FAH: variants seen among roughly 807,000 people sequenced by gnomAD.
FAH encodes fumarylacetoacetase.
In FAH, 47 loss-of-function variants were observed where a neutral mutation model predicts 55.8. That is an observed-to-expected ratio of 0.84 (90% confidence interval 0.67 to 1.07). FAH has a LOEUF of 1.07. Ranked by LOEUF, FAH falls within the 50% of genes least tolerant of loss-of-function variation. The pLI is 0.00. For missense variants in FAH, 495 were observed against 545.9 expected (o/e 0.91, Z 0.93); for synonymous variants, 199 against 207.7 (o/e 0.96, Z 0.36).
At chr15:80,182,095 C>T (rs1371448742) in intron 13 of FAH, among the ~76,000 whole-genome samples, 1 of 152,170 alleles carries the variant, frequency 6.6e-6, no homozygotes, top group African/African-American at 2.4e-5. Flanking sequence ...CTGTCCCTGG[C>T]CTCTTCCAGC....
intron 5 of FAH, among the ~76,000 whole-genome samples, chr15:80,165,716 A>C (rs2041186387): frequency 6.6e-6 from 1 of 151,908 alleles, no homozygotes; most frequent in Admixed American, 6.6e-5. Context: ...CCCACCAAAA[A>C]AAAAAAAAGG....
intron 8 of FAH, among the ~76,000 whole-genome samples, chr15:80,172,775 T>C (rs2041251697): frequency 6.6e-6 from 1 of 152,190 alleles, no homozygotes; most frequent in Admixed American, 6.5e-5. Context: ...CTGGGAGATA[T>C]CCTGACCACC....
chr15:80,177,809 T>C (rs945141065), intron 11 of FAH, among the ~76,000 whole-genome samples: 22 of 152,310 alleles, frequency 1.4e-4, no homozygotes, highest in Admixed American at 6.5e-4. Context: ...TGGGGGAAAA[T>C]AGGTGTTCCT....
At chr15:80,162,667 A>G (rs2041159126) in intron 5 of FAH, 1 of 397,870 alleles carries the variant, frequency 2.5e-6, no homozygotes, top group Non-Finnish European at 4.8e-6. Context: ...AGACTCTAGC[A>G]TGCTCCATAC....
At chr15:80,178,331 G>A (rs1423569571) in intron 11 of FAH, among the ~76,000 whole-genome samples, 1 of 152,108 alleles carries the variant, frequency 6.6e-6, no homozygotes, top group African/African-American at 2.4e-5. Flanking sequence ...AGCCCCGTGG[G>A]GCCCTCCAGG....
rs1390357626 is a variant in FAH at position 80,180,182 on chromosome 15, T to G, written c.1019T>G (p.Leu340Arg). The G allele has an allele frequency of 6.2e-7, 1 of 1,610,082 alleles. No homozygotes were observed. Among genetic ancestry groups the G allele is most frequent in the Non-Finnish European group, 8.5e-7 (1 of 1,179,972 alleles). ...LTHHSVNGCN[L>R]RPGDLLASGT... ...CACCACTCTGTCAACGGCTGCAACC[T>G]GCGGCCGGGGGACCTCCTGGCTTCT... Residue 340 changes from leucine to arginine, a missense_variant, in exon 12 of 14, where the codon CTG becomes CGG. Physicochemically the swap from Leu to Arg is moderately radical, Grantham distance 102. Coordinates refer to ENST00000561421, the MANE Select transcript of FAH (RefSeq NM_000137.4).
At chr15:80,166,640 T>TC (rs1039032473) in intron 5 of FAH, among the ~76,000 whole-genome samples, 30 of 146,430 alleles carry the variant, frequency 2.0e-4, no homozygotes, top group Admixed American at 4.7e-4. Context: ...ATTTTCTTTT[T>TC]TTTTTTTTTT....
chr15:80,176,594 C>T (rs1430716933), intron 10 of FAH, among the ~76,000 whole-genome samples: 3 of 152,332 alleles, frequency 2.0e-5, no homozygotes, highest in South Asian at 4.1e-4. Flanking sequence ...AAAGGATTCA[C>T]CCCGAGCCAC....
intron 10 of FAH, among the ~76,000 whole-genome samples, chr15:80,175,789 G>A (rs969726319): frequency 1.3e-5 from 2 of 152,220 alleles, no homozygotes; most frequent in African/African-American, 4.8e-5. Flanking sequence ...CTATGAAATG[G>A]GATAATAGCG....
At chr15:80,163,782 A>G (rs1257149292) in intron 5 of FAH, 2 of 152,246 alleles carry the variant, frequency 1.3e-5, no homozygotes, top group Admixed American at 1.3e-4. Context: ...TCCTACAGAA[A>G]TAAAAGCACC....
rs757937974 is a variant in FAH, at chr15:80,158,040, C to T, written c.82-20C>T. The T allele has an allele frequency of 2.0e-5, 32 of 1,584,584 alleles. No homozygotes were observed. The highest frequency in any genetic ancestry group is 1.6e-4 in the East Asian group (7 of 44,736). The stretch of plus-strand genomic sequence containing the variant: ...AGCCAGGGGCTTTTTCTGGTGCTGA[C>T]GGTGTCGTCTTCCTCCTAGCCAAGA... On this transcript the variant is annotated intron_variant, in intron 1 of 13. Transcript: ENST00000561421.
downstream of FAH, chr15:80,186,658 C>CTGCTGGGTGGGT: frequency 3.9e-6 from 1 of 254,202 alleles, no homozygotes; most frequent in East Asian, 1.0e-4. Flanking sequence ...AGCCCAAAAC[C>CTGCTGGGTGGGT]TGCTGGGTGG....
intron 13 of FAH, among the ~76,000 whole-genome samples, chr15:80,184,679 CTCGACAAAGGGCATCCCTGCATGTTG>C (rs1328961382): frequency 2.0e-5 from 3 of 152,136 alleles, no homozygotes; most frequent in African/African-American, 7.2e-5. Context: ...GGTCGTTGCT[CTCGACAAAGGGCATCCCTGCATGTTG>C]TCAGCATGTG....
At chr15:80,167,116 C>G (rs1227272271) in intron 5 of FAH, 1 of 151,696 alleles carries the variant, frequency 6.6e-6, no homozygotes, top group Non-Finnish European at 1.5e-5. Context: ...TTGAATCCAT[C>G]TGGATTTCCT....
rs762607631 is a variant in FAH at position 80,186,346 on chromosome 15, C to T, written c.*137C>T. On this transcript the variant is annotated 3_prime_UTR_variant, in exon 14 of 14. Coordinates refer to ENST00000561421, the MANE Select transcript of FAH (RefSeq NM_000137.4). Reference sequence around the variant, plus strand: ...CATTGTGCTCTGAGGCCTGCACTGCCGCAGATGCAGCTGTGTCCACTTATG... The same window carrying T: ...CATTGTGCTCTGAGGCCTGCACTGCTGCAGATGCAGCTGTGTCCACTTATG... 2.8e-5 allele frequency: 21 copies of T among 739,000 alleles called. No individual in the cohort carries two copies. Among genetic ancestry groups the T allele is most frequent in the Non-Finnish European group, 4.6e-5 (19 of 409,978 alleles). 45.8% of individuals were successfully genotyped at this position (739,000 alleles called of 1,614,324 possible).
intron 13 of FAH, 34 bp from the exon 14 acceptor site, chr15:80,186,096 C>A (rs1389157474): frequency 6.3e-7 from 1 of 1,599,960 alleles, no homozygotes; most frequent in East Asian, 2.2e-5. Flanking sequence ...AGCCCAGCAA[C>A]TTTGTGACTG....
At chr15:80,166,803 A>ATT (rs1369587874) in intron 5 of FAH, 1 of 151,526 alleles carries the variant, frequency 6.6e-6, no homozygotes, top group Non-Finnish European at 1.5e-5. Flanking sequence ...CTCCCGCCTA[A>ATT]TTTTTTGTAT....
intron 5 of FAH, chr15:80,166,131 T>C (rs926499950): frequency 6.6e-6 from 1 of 152,030 alleles, no homozygotes; most frequent in Admixed American, 6.6e-5. Flanking sequence ...ATTTTCTTTT[T>C]CTTTTTTTTT....
intron 10 of FAH, among the ~76,000 whole-genome samples, chr15:80,176,010 T>C (rs2041280852): frequency 6.6e-6 from 1 of 152,136 alleles, no homozygotes; most frequent in Non-Finnish European, 1.5e-5. Context: ...CCTTTTTCTT[T>C]TCTTTTCTTC....
Sources: allele counts gnomAD v4.1 joint callset (sites outside exome capture counted in the v4.1 genomes callset), GRCh38; gene constraint gnomAD v4.1.1; transcripts MANE v1.5; gene names NCBI Gene and HGNC (gene_info 2026-07-23, HGNC 2026-07-21).